DLGAP2: variants seen among roughly 807,000 people sequenced by gnomAD.
DLGAP2 encodes DLG associated protein 2.
DLGAP2 carries 26 observed loss-of-function variants against 100.3 expected under a neutral mutation model. The observed-to-expected ratio is 0.26, with a 90% CI of 0.19 to 0.36. The LOEUF (loss-of-function observed/expected upper bound fraction) is 0.36, where lower values mean the gene tolerates loss of function less well. Ranked by LOEUF, DLGAP2 falls within the 10% of genes least tolerant of loss-of-function variation. The pLI is 1.00. For missense variants in DLGAP2, 1,858 were observed against 1,453.2 expected, an observed-to-expected ratio of 1.28 and a Z score of -4.53; for synonymous variants, 886 against 630.1, an observed-to-expected ratio of 1.41 and a Z score of -6.08.
At chr8:1,580,474 G>A (rs1461487651) in intron 6 of DLGAP2, among the ~76,000 whole-genome samples, 1 of 152,200 alleles carries the variant, frequency 6.6e-6, no homozygotes, top group African/African-American at 2.4e-5. Flanking sequence ...GAGCATCCGA[G>A]AGCTGCAGAG....
intron 4 of DLGAP2, among the ~76,000 whole-genome samples, chr8:1,536,625 G>A (rs558741368): frequency 3.3e-5 from 5 of 152,256 alleles, no homozygotes; most frequent in East Asian, 1.9e-4. Context: ...GACTGTCCCC[G>A]AGGGCTCTCT....
chr8:1,049,690 C>A (rs1483700659), intron 2 of DLGAP2, among the ~76,000 whole-genome samples: 1 of 152,050 alleles, frequency 6.6e-6, no homozygotes, highest in East Asian at 1.9e-4. Context: ...CAGACCCATG[C>A]ATGCGTGGAT....
intron 2 of DLGAP2, among the ~76,000 whole-genome samples, chr8:932,224 A>G (rs957585777): frequency 2.0e-5 from 3 of 152,206 alleles, no homozygotes; most frequent in Non-Finnish European, 4.4e-5. Flanking sequence ...ATAAACACAC[A>G]TGCAGTCCAG....
intron 6 of DLGAP2, among the ~76,000 whole-genome samples, chr8:1,603,527 A>C (rs1563250591): frequency 6.7e-6 from 1 of 150,060 alleles, no homozygotes; most frequent in Non-Finnish European, 1.5e-5. Flanking sequence ...GTTAGAGTGG[A>C]GTCTGGGTCT....
chr8:753,311 C>G (rs183702110), intron 1 of DLGAP2: 1 of 152,200 alleles, frequency 6.6e-6, no homozygotes, highest in Admixed American at 6.5e-5. Flanking sequence ...GAGGTCAGGC[C>G]GTCCCCTGCT....
At chr8:1,363,770 G>A (rs1411309018) in intron 3 of DLGAP2, among the ~76,000 whole-genome samples, 1 of 152,218 alleles carries the variant, frequency 6.6e-6, no homozygotes, top group East Asian at 1.9e-4. Flanking sequence ...CTTGCTGTGT[G>A]GGAACCACGG....
chr8:854,845 G>A (rs1160915268), intron 1 of DLGAP2, among the ~76,000 whole-genome samples: 5 of 152,200 alleles, frequency 3.3e-5, no homozygotes, highest in Non-Finnish European at 5.9e-5. Context: ...AAGCTCTGGA[G>A]AAAAGCTTCC....
chr8:1,022,008 A>T (rs1482810400), intron 2 of DLGAP2, among the ~76,000 whole-genome samples: 2 of 152,182 alleles, frequency 1.3e-5, no homozygotes, highest in African/African-American at 2.4e-5. Flanking sequence ...AGCATCATGG[A>T]CAAAGCCACT....
chr8:1,113,747 G>T (rs1445073227), intron 2 of DLGAP2, among the ~76,000 whole-genome samples: 1 of 152,122 alleles, frequency 6.6e-6, no homozygotes, highest in African/African-American at 2.4e-5. Context: ...AATGGGACTA[G>T]TGAGAGTCGG....
chr8:1,198,426 G>C (rs1797800610), intron 2 of DLGAP2, among the ~76,000 whole-genome samples: 1 of 151,948 alleles, frequency 6.6e-6, no homozygotes, highest in Non-Finnish European at 1.5e-5. Context: ...GGTGTGCAGA[G>C]GGAGCGCAGG....
At chr8:838,337 TCA>T (rs1290348307) in intron 1 of DLGAP2, among the ~76,000 whole-genome samples, 1 of 152,114 alleles carries the variant, frequency 6.6e-6, no homozygotes, top group Non-Finnish European at 1.5e-5. Flanking sequence ...GCTACTCCAT[TCA>T]CACAAATCCT....
intron 3 of DLGAP2, among the ~76,000 whole-genome samples, chr8:1,321,650 A>G (rs942261229): frequency 1.3e-5 from 2 of 152,218 alleles, no homozygotes; most frequent in African/African-American, 2.4e-5. Flanking sequence ...TTAGAAAGGA[A>G]TTGAAGCTCT....
intron 2 of DLGAP2, among the ~76,000 whole-genome samples, chr8:1,089,839 G>C (rs1273023248): frequency 6.6e-6 from 1 of 152,218 alleles, no homozygotes; most frequent in East Asian, 1.9e-4. Flanking sequence ...AGACCTGATT[G>C]TTTGGGAGAC....
rs1799137817 is a variant in DLGAP2, at chr8:1,254,888, C to CGTGCTGTGTGTGTGCTCTCTCCTGCCCAG, written c.74-3954_74-3953insGTGTGCTCTCTCCTGCCCAGGTGCTGTGT. On this transcript the variant is annotated intron_variant, in intron 2 of 14. Transcript: ENST00000637795. The stretch of plus-strand genomic sequence containing the variant: ...CCTCTCATCCTGCCTCTCCTGCCCG[C>CGTGCTGTGTGTGTGCTCTCTCCTGCCCAG]GTGCTGTGTCTGTGCTCTCTCCTGC... Among the ~76,000 whole-genome samples the CGTGCTGTGTGTGTGCTCTCTCCTGCCCAG allele has an allele frequency of 1.6e-4, 20 of 128,832 alleles. 2 individuals carry two copies. Among genetic ancestry groups the CGTGCTGTGTGTGTGCTCTCTCCTGCCCAG allele is most frequent in the African/African-American group, 6.9e-4 (19 of 27,644 alleles). 84.5% of individuals were successfully genotyped at this position (128,832 alleles called of 152,430 possible).
At chr8:1,502,929 C>G (rs1799773186) in intron 4 of DLGAP2, among the ~76,000 whole-genome samples, 2 of 152,080 alleles carry the variant, frequency 1.3e-5, no homozygotes, top group Admixed American at 6.5e-5. Context: ...GTGAAAAGAA[C>G]CTGGAGGCTG....
At chr8:1,422,725 C>A (rs571099768) in intron 3 of DLGAP2, among the ~76,000 whole-genome samples, 2 of 151,566 alleles carry the variant, frequency 1.3e-5, no homozygotes, top group Admixed American at 1.3e-4. Flanking sequence ...GGGAACTCAA[C>A]ATGCTGAGAC....
At chr8:1,630,453 A>G (rs1054748120) in intron 7 of DLGAP2, among the ~76,000 whole-genome samples, 10 of 152,132 alleles carry the variant, frequency 6.6e-5, no homozygotes, top group African/African-American at 2.4e-4. Flanking sequence ...CTGTAATCCC[A>G]GCACTTTGGG....
intron 3 of DLGAP2, among the ~76,000 whole-genome samples, chr8:1,444,591 A>G (rs2130081742): frequency 6.6e-6 from 1 of 151,884 alleles, no homozygotes; most frequent in South Asian, 2.1e-4. Flanking sequence ...CGTGATTCCG[A>G]GAACCCTCCC....
At chr8:1,497,821 C>G (rs1025682707) in intron 3 of DLGAP2, among the ~76,000 whole-genome samples, 3 of 152,220 alleles carry the variant, frequency 2.0e-5, no homozygotes, top group Non-Finnish European at 2.9e-5. Flanking sequence ...CCAGTACCAA[C>G]ACTTGTAGGT....
Sources: allele counts gnomAD v4.1 joint callset (sites outside exome capture counted in the v4.1 genomes callset), GRCh38; gene constraint gnomAD v4.1.1; transcripts MANE v1.5; gene names NCBI Gene and HGNC (gene_info 2026-07-23, HGNC 2026-07-21).